MARCHF1: variants seen among roughly 807,000 people sequenced by gnomAD.
MARCHF1 encodes the protein E3 ubiquitin-protein ligase MARCHF1.
MARCHF1 carries 40 observed loss-of-function variants against 54.2 expected under a neutral mutation model. The ratio of observed to expected loss-of-function variants is 0.74; its 90% CI spans 0.57 to 0.96. The LOEUF (loss-of-function observed/expected upper bound fraction) is 0.96. Among genes scored for constraint, MARCHF1 ranks in the 40% least tolerant of loss-of-function variants. The pLI, the probability that MARCHF1 is intolerant of heterozygous loss-of-function variation, is 0.00. For missense variants in MARCHF1, 586 were observed against 656.5 expected (o/e 0.89, Z 1.17); for synonymous variants, 236 against 236.3 (o/e 1.00, Z 0.01).
intron 8 of MARCHF1, among the ~76,000 whole-genome samples, chr4:163,561,480 TACATCTATCACACAAATATATAGCCA>T: frequency 6.6e-6 from 1 of 152,188 alleles, no homozygotes; most frequent in East Asian, 1.9e-4. Context: ...ATTTCTGAAA[TACATCTATCACACAAATATATAGCCA>T]ATACATCTAT....
intron 1 of MARCHF1, among the ~76,000 whole-genome samples, chr4:164,194,787 A>G (rs1267434779): frequency 1.3e-5 from 2 of 152,110 alleles, no homozygotes; most frequent in Admixed American, 6.6e-5. Context: ...ATTAAATAAT[A>G]AGTAAAATTA....
chr4:163,737,191 AG>A (rs1746065430), intron 4 of MARCHF1, among the ~76,000 whole-genome samples: 2 of 41,782 alleles, frequency 4.8e-5, no homozygotes, highest in African/African-American at 1.3e-4. Flanking sequence ...TTCACATATT[AG>A]TTTATTTATT....
rs536336614 is a variant in MARCHF1 at position 164,129,283 on chromosome 4, T to TA, written c.-322-17622dup. ...TTTGTCGTTCGGAAATATGATCTCA[T>TA]AATTATAACTCTAATTTATTTTAGA... On this transcript the variant is annotated intron_variant, in intron 1 of 9. Coordinates refer to ENST00000514618, the MANE Select transcript of MARCHF1 (RefSeq NM_001394959.1). 3.4e-3 allele frequency among the ~76,000 whole-genome samples: 519 copies of TA among 152,316 alleles called. 4 individuals carry two copies. Among genetic ancestry groups the TA allele is most frequent in the African/African-American group, 0.012 (485 of 41,576 alleles).
At chr4:163,981,781 C>T (rs1169641850) in intron 3 of MARCHF1, among the ~76,000 whole-genome samples, 3 of 152,212 alleles carry the variant, frequency 2.0e-5, no homozygotes, top group African/African-American at 4.8e-5. Flanking sequence ...CAGAGCTACA[C>T]CTGCTCCTCC....
chr4:163,912,423 G>A (rs1751212966), intron 3 of MARCHF1, among the ~76,000 whole-genome samples: 1 of 152,154 alleles, frequency 6.6e-6, no homozygotes, highest in Admixed American at 6.5e-5. Flanking sequence ...TTTATTCAGA[G>A]CACTATAGGT....
intron 3 of MARCHF1, among the ~76,000 whole-genome samples, chr4:163,918,269 T>C (rs1751352884): frequency 6.6e-6 from 1 of 152,136 alleles, no homozygotes; most frequent in Non-Finnish European, 1.5e-5. Flanking sequence ...CATTTTCTTC[T>C]TTTGAGTTGC....
At chr4:163,636,797 A>C (rs967259554) in intron 5 of MARCHF1, among the ~76,000 whole-genome samples, 1 of 152,148 alleles carries the variant, frequency 6.6e-6, no homozygotes, top group Non-Finnish European at 1.5e-5. Context: ...AGTCAATCCT[A>C]AGCCAAAAGA....
At chr4:163,632,505 G>A (rs1214932959) in intron 5 of MARCHF1, among the ~76,000 whole-genome samples, 2 of 152,114 alleles carry the variant, frequency 1.3e-5, no homozygotes. Flanking sequence ...TGGAAAATCG[G>A]GTCACTCCCA....
chr4:164,091,108 C>T (rs576100773), intron 2 of MARCHF1, among the ~76,000 whole-genome samples: 1 of 152,004 alleles, frequency 6.6e-6, no homozygotes, highest in South Asian at 2.1e-4. Context: ...AAGGTCACAC[C>T]AAATGTCAAT....
At chr4:164,176,696 AT>A (rs576133998) in intron 1 of MARCHF1, among the ~76,000 whole-genome samples, 1 of 151,164 alleles carries the variant, frequency 6.6e-6, no homozygotes, top group Non-Finnish European at 1.5e-5. Context: ...TGCTAATTTT[AT>A]TTTTTTTCAC....
intron 3 of MARCHF1, among the ~76,000 whole-genome samples, chr4:163,888,504 G>A (rs985777267): frequency 6.6e-5 from 10 of 152,060 alleles, no homozygotes; most frequent in Non-Finnish European, 1.3e-4. Flanking sequence ...CAATGTTCTG[G>A]CATCTTTTTA....
Position 163,589,871 on chromosome 4 carries a change from C to A in MARCHF1, c.1011-3942G>T, listed in dbSNP as rs138969985. Among the ~76,000 whole-genome samples, 455 of 152,154 alleles carry A rather than the reference C, an allele frequency of 3.0e-3. 3 individuals carry two copies. The highest frequency in any genetic ancestry group is 1.0e-2 in the African/African-American group (414 of 41,540). On this transcript the variant is annotated intron_variant, in intron 7 of 9. Transcript: ENST00000514618. ...GGTATCTGTCACCTAGTGACAGCTA[C>A]ATACAAGCTGAATTCACAGATTTTA... is the stretch of plus-strand genomic sequence containing the variant.
chr4:163,969,468 G>T (rs889264699), intron 3 of MARCHF1, among the ~76,000 whole-genome samples: 1 of 152,144 alleles, frequency 6.6e-6, no homozygotes, highest in African/African-American at 2.4e-5. Context: ...AATACAGTTG[G>T]AACATGACAG....
chr4:164,095,401 TACACACACACACAA>T (rs1325937360), intron 2 of MARCHF1, among the ~76,000 whole-genome samples: 2 of 146,844 alleles, frequency 1.4e-5, no homozygotes, highest in Admixed American at 6.8e-5. Context: ...TTTGCTATAT[TACACACACACACAA>T]ACACACACAC....
At chr4:163,745,839 T>TA (rs34703990) in intron 4 of MARCHF1, among the ~76,000 whole-genome samples, 38 of 149,004 alleles carry the variant, frequency 2.6e-4, no homozygotes, top group African/African-American at 7.6e-4. Context: ...TCTTATAGTT[T>TA]AAAAAAAAAA....
At chr4:163,573,530 T>C (rs1196921455) in intron 8 of MARCHF1, among the ~76,000 whole-genome samples, 2 of 145,016 alleles carry the variant, frequency 1.4e-5, no homozygotes, top group Non-Finnish European at 3.0e-5. Flanking sequence ...ATCTCATTGT[T>C]CAGTTCCCAC....
intron 5 of MARCHF1, among the ~76,000 whole-genome samples, chr4:163,674,562 T>A (rs1402473010): frequency 1.3e-5 from 2 of 152,088 alleles, no homozygotes; most frequent in Admixed American, 1.3e-4. Flanking sequence ...AGGTTATCCA[T>A]AGTGGGGTTT....
At chr4:163,968,389 G>A (rs1300493183) in intron 3 of MARCHF1, among the ~76,000 whole-genome samples, 1 of 152,054 alleles carries the variant, frequency 6.6e-6, no homozygotes, top group Non-Finnish European at 1.5e-5. Context: ...TTTCTACGTG[G>A]CCAATTTCTA....
intron 4 of MARCHF1, among the ~76,000 whole-genome samples, chr4:163,769,571 C>T (rs989479335): frequency 6.6e-6 from 1 of 152,110 alleles, no homozygotes; most frequent in Admixed American, 6.5e-5. Flanking sequence ...GCCATGTTGT[C>T]ACATCATTGT....
Sources: gnomAD v4.1 joint callset for allele counts (sites outside exome capture counted in the v4.1 genomes callset) on GRCh38, gnomAD v4.1.1 for gene constraint, MANE v1.5 for transcripts, NCBI Gene and HGNC (gene_info 2026-07-23, HGNC 2026-07-21) for gene names.